The following EDIL3 variants were observed in gnomAD, a reference collection of about 807,000 sequenced individuals.
The protein encoded by EDIL3 is EGF like and discoidin domains 3, also known as EGF-like repeat and discoidin I-like domain-containing protein 3.
EDIL3 carries 37 observed loss-of-function variants against 67.4 expected under a neutral mutation model. The ratio of observed to expected loss-of-function variants is 0.55; its 90% confidence interval spans 0.42 to 0.72. EDIL3 has a LOEUF of 0.72. EDIL3 is among the 30% of genes least tolerant of loss of function. The pLI is 0.00. For synonymous variants in EDIL3, 195 were observed against 196.3 expected, an observed-to-expected ratio of 0.99 and a Z score of 0.05; for missense variants, 527 against 586.3, an observed-to-expected ratio of 0.90 and a Z score of 1.04.
At chr5:84,123,577 C>A (rs1303168395) in intron 5 of EDIL3, among the ~76,000 whole-genome samples, 1 of 151,916 alleles carries the variant, frequency 6.6e-6, no homozygotes, top group African/African-American at 2.4e-5. Context: ...ACACACCTTG[C>A]AATCATTTGA....
chr5:84,037,744 G>C (rs993908197), intron 9 of EDIL3, among the ~76,000 whole-genome samples: 1 of 152,040 alleles, frequency 6.6e-6, no homozygotes, highest in Admixed American at 6.5e-5. Context: ...GAAGAACACT[G>C]TAATTCCATG....
chr5:83,983,283 T>C (rs1449503605), intron 9 of EDIL3, among the ~76,000 whole-genome samples: 2 of 152,164 alleles, frequency 1.3e-5, no homozygotes. Flanking sequence ...CATGTTTCTG[T>C]AATCTTTGCA....
intron 6 of EDIL3, among the ~76,000 whole-genome samples, chr5:84,087,422 C>T (rs1033807685): frequency 3.9e-5 from 6 of 152,198 alleles, no homozygotes; most frequent in African/African-American, 1.4e-4. Context: ...TATAATATAA[C>T]TGCTTATGTA....
At chr5:84,111,052 C>A (rs1014411971) in intron 5 of EDIL3, among the ~76,000 whole-genome samples, 1 of 152,066 alleles carries the variant, frequency 6.6e-6, no homozygotes, top group African/African-American at 2.4e-5. Flanking sequence ...ATGGTGAGTT[C>A]TCATGAGATC....
chr5:84,192,702 T>C (rs182411407), intron 3 of EDIL3, among the ~76,000 whole-genome samples: 32 of 152,118 alleles, frequency 2.1e-4, no homozygotes, highest in Admixed American at 1.6e-3. Flanking sequence ...AGTACCAGGG[T>C]TACAAAGGTG....
At chr5:84,161,239 T>G (rs1298938119) in intron 4 of EDIL3, among the ~76,000 whole-genome samples, 1 of 152,088 alleles carries the variant, frequency 6.6e-6, no homozygotes, top group Admixed American at 6.6e-5. Flanking sequence ...ATCTACTCAT[T>G]GATTGATAGG....
At chr5:84,057,033 C>G (rs1746460956) in intron 9 of EDIL3, among the ~76,000 whole-genome samples, 2 of 151,970 alleles carry the variant, frequency 1.3e-5, no homozygotes, top group African/African-American at 4.8e-5. Context: ...AATTCTGGGC[C>G]TTTTTCTTGC....
At chr5:84,085,289 G>T (rs923062491) in intron 6 of EDIL3, among the ~76,000 whole-genome samples, 1 of 152,098 alleles carries the variant, frequency 6.6e-6, no homozygotes, top group Non-Finnish European at 1.5e-5. Context: ...GCATTTTTGC[G>T]CTGATTTTTC....
At chr5:84,222,357 G>A (rs545414318) in intron 3 of EDIL3, among the ~76,000 whole-genome samples, 4 of 151,834 alleles carry the variant, frequency 2.6e-5, no homozygotes, top group Admixed American at 2.0e-4. Flanking sequence ...CTTCTTCAAT[G>A]TCAAAGCTAG....
chr5:83,960,951 T>C (rs1744596553), intron 10 of EDIL3, among the ~76,000 whole-genome samples: 1 of 151,012 alleles, frequency 6.6e-6, no homozygotes, highest in Non-Finnish European at 1.5e-5. Context: ...TCAAATTATA[T>C]GCTGCATAGA....
chr5:84,006,437 T>G (rs1403262328), intron 9 of EDIL3, among the ~76,000 whole-genome samples: 1 of 152,130 alleles, frequency 6.6e-6, no homozygotes, highest in African/African-American at 2.4e-5. Flanking sequence ...CTGGAGGCCA[T>G]TATGCTATGC....
intron 9 of EDIL3, among the ~76,000 whole-genome samples, chr5:84,006,214 C>G (rs1745412695): frequency 6.6e-6 from 1 of 151,802 alleles, no homozygotes; most frequent in Admixed American, 6.6e-5. Context: ...AAAAAACATT[C>G]CATGCTCAAG....
intron 9 of EDIL3, among the ~76,000 whole-genome samples, chr5:83,963,723 A>G (rs989288619): frequency 1.3e-5 from 2 of 149,278 alleles, no homozygotes; most frequent in African/African-American, 4.9e-5. Context: ...GAGATTGATC[A>G]CTACCTGCCA....
intron 10 of EDIL3, among the ~76,000 whole-genome samples, chr5:83,960,011 C>T (rs935687780): frequency 1.3e-5 from 2 of 150,688 alleles, no homozygotes; most frequent in East Asian, 3.9e-4. Context: ...TCCTTCTTCC[C>T]CATAAAAGAT....
chr5:84,050,840 C>T lies in EDIL3; in HGVS notation c.1137+9460G>A, dbSNP rs534222160. Among the ~76,000 whole-genome samples the T allele has an allele frequency of 1.2e-4, 19 of 152,302 alleles. No individual in the cohort carries two copies. In the East Asian group the frequency reaches 1.9e-3, roughly 16 times the overall value. On this transcript the variant is annotated intron_variant, in intron 9 of 10. Coordinates refer to ENST00000296591, the MANE Select transcript of EDIL3 (RefSeq NM_005711.5). ...GAAGCTTGAACTGGGTGAAGCCCAC[C>T]GCAGCTCAAGGAGGCCTGCCTGCCT...
chr5:84,216,503 A>G (rs1232064700), intron 3 of EDIL3, among the ~76,000 whole-genome samples: 3 of 152,228 alleles, frequency 2.0e-5, no homozygotes, highest in Non-Finnish European at 2.9e-5. Context: ...CTGCTGTAAG[A>G]TAAGCACAAG....
chr5:84,163,582 C>G (rs780092685), intron 4 of EDIL3, among the ~76,000 whole-genome samples: 1 of 151,994 alleles, frequency 6.6e-6, no homozygotes, highest in Non-Finnish European at 1.5e-5. Context: ...AGAAATTCAT[C>G]TAATCAAACT....
chr5:84,234,225 A>T (rs1744636287), intron 2 of EDIL3, among the ~76,000 whole-genome samples: 1 of 152,154 alleles, frequency 6.6e-6, no homozygotes, highest in African/African-American at 2.4e-5. Flanking sequence ...GGAGCTTACC[A>T]CCATGCTTTG....
intron 6 of EDIL3, among the ~76,000 whole-genome samples, chr5:84,075,890 GCACACACACA>G (rs10530772): frequency 8.3e-5 from 12 of 144,970 alleles, no homozygotes; most frequent in Non-Finnish European, 1.4e-4. Flanking sequence ...AAGTGTGCAC[GCACACACACA>G]CACACACACA....
Sources: gnomAD v4.1 joint callset for allele counts (sites outside exome capture counted in the v4.1 genomes callset) on GRCh38, gnomAD v4.1.1 for gene constraint, MANE v1.5 for transcripts, NCBI Gene and HGNC (gene_info 2026-07-23, HGNC 2026-07-21) for gene names.